The following FCHSD2 variants were observed in gnomAD, a reference collection of about 807,000 sequenced individuals.
The protein encoded by FCHSD2 is FCH and double SH3 domains 2.
FCHSD2 carries 38 observed loss-of-function variants against 108.1 expected under a neutral mutation model. The ratio of observed to expected loss-of-function variants is 0.35; its 90% CI spans 0.27 to 0.46. The LOEUF is 0.46. FCHSD2 is among the 20% of genes least tolerant of loss of function. FCHSD2 has a pLI of 1.00. For synonymous variants in FCHSD2, 279 were observed against 314.7 expected, an observed-to-expected ratio of 0.89 and a Z score of 1.20; for missense variants, 751 against 897.8, an observed-to-expected ratio of 0.84 and a Z score of 2.09.
chr11:73,016,649 A>G (rs1460487819), intron 3 of FCHSD2, among the ~76,000 whole-genome samples: 2 of 152,216 alleles, frequency 1.3e-5, no homozygotes, highest in Non-Finnish European at 2.9e-5. Context: ...TTTGAAGTAG[A>G]CAGATATATA....
At chr11:73,019,764 AAAGCATTC>A (rs1416753169) in intron 3 of FCHSD2, among the ~76,000 whole-genome samples, 9 of 152,224 alleles carry the variant, frequency 5.9e-5, no homozygotes, top group Non-Finnish European at 1.2e-4. Context: ...CACATTTCTG[AAAGCATTC>A]TATGCTTAAA....
At chr11:73,062,367 A>C (rs1475403514) in intron 3 of FCHSD2, among the ~76,000 whole-genome samples, 1 of 152,240 alleles carries the variant, frequency 6.6e-6, no homozygotes, top group Non-Finnish European at 1.5e-5. Flanking sequence ...TCCAAAAGCC[A>C]AAATGCCTCT....
In FCHSD2 at chr11:72,902,548, C is replaced by T. The variant is rs1429936223; in HGVS notation, c.919G>A (p.Asp307Asn). 6 of 1,571,180 alleles carry T rather than the reference C, an allele frequency of 3.8e-6. No homozygotes were observed. In the South Asian group the frequency reaches 7.0e-5, roughly 18 times the overall value. ...QPFQFQPCDS[D>N]TSRQLESETG... ...AAAATCTATAATTCCCTTACAGTATCACTGTCACAAGGCTGGAACTGGAAG... is the reference window on the plus strand; with the variant it reads ...AAAATCTATAATTCCCTTACAGTATTACTGTCACAAGGCTGGAACTGGAAG... The change falls in exon 10 of 20, where the codon GAT (aspartate) becomes AAT (asparagine). Residue 307 changes from aspartate to asparagine, a missense_variant. Transcript: ENST00000409418.
chr11:73,110,351 C>T (rs190541369), intron 2 of FCHSD2, among the ~76,000 whole-genome samples: 51 of 152,180 alleles, frequency 3.4e-4, no homozygotes, highest in African/African-American at 9.4e-4. Context: ...TATTTTATTA[C>T]GGCTTCAATC....
intron 8 of FCHSD2, among the ~76,000 whole-genome samples, chr11:72,929,184 C>T (rs532284655): frequency 3.6e-4 from 55 of 152,254 alleles, no homozygotes; most frequent in African/African-American, 1.3e-3. Context: ...TATAAACATA[C>T]GTGTGCGTGT....
intron 9 of FCHSD2, among the ~76,000 whole-genome samples, chr11:72,903,218 T>C (rs1343294748): frequency 1.4e-5 from 2 of 147,744 alleles, no homozygotes; most frequent in African/African-American, 5.3e-5. Flanking sequence ...TATTTATTTA[T>C]TTATTTATTT....
intron 3 of FCHSD2, among the ~76,000 whole-genome samples, chr11:73,051,307 T>C (rs1018737348): frequency 4.6e-5 from 7 of 152,100 alleles, no homozygotes; most frequent in Non-Finnish European, 7.4e-5. Context: ...AGAGTAAGAC[T>C]CTAGCTCTAA....
At chr11:73,030,418 T>C (rs889982532) in intron 3 of FCHSD2, among the ~76,000 whole-genome samples, 2 of 152,164 alleles carry the variant, frequency 1.3e-5, no homozygotes, top group African/African-American at 4.8e-5. Flanking sequence ...CAATTTACCA[T>C]ACATAAATGT....
chr11:72,945,760 G>C (rs1856506338), intron 8 of FCHSD2, among the ~76,000 whole-genome samples: 1 of 152,168 alleles, frequency 6.6e-6, no homozygotes, highest in Admixed American at 6.6e-5. Context: ...CTTCTCAAAA[G>C]AAGACATTTA....
intron 3 of FCHSD2, among the ~76,000 whole-genome samples, chr11:73,035,154 G>A (rs1466131798): frequency 9.6e-6 from 1 of 104,712 alleles, no homozygotes; most frequent in South Asian, 3.1e-4. Context: ...TTATTTTTAT[G>A]TATGTATGTA....
rs996669435 is a variant in FCHSD2, at chr11:72,985,119, A to G, written c.522-3T>C. 1.0e-6 allele frequency: 1 copy of G among 962,794 alleles called. No homozygotes were observed. Among genetic ancestry groups the G allele is most frequent in the Non-Finnish European group, 1.6e-6 (1 of 638,432 alleles). The allele number at this position is 962,794 out of a possible 1,614,324, so 59.6% of individuals were successfully genotyped here. A position where few individuals can be genotyped will look rare whatever the true frequency, so the allele number is the denominator to read the frequency against. Reference sequence around the variant, plus strand: ...ATTGAAAAAGACTAAGTTTAGATCTATAATAAAAATAGAAAAGTATGTTTA... The same window carrying G: ...ATTGAAAAAGACTAAGTTTAGATCTGTAATAAAAATAGAAAAGTATGTTTA... On this transcript the variant is annotated splice_region_variant and splice_polypyrimidine_tract_variant and intron_variant, in intron 6 of 19. Coordinates refer to ENST00000409418, the MANE Select transcript of FCHSD2 (RefSeq NM_014824.3).
intron 8 of FCHSD2, among the ~76,000 whole-genome samples, chr11:72,927,738 T>C (rs1856104685): frequency 6.6e-6 from 1 of 152,214 alleles, no homozygotes; most frequent in Admixed American, 6.5e-5. Context: ...AGCATTTATG[T>C]GGACTTAGAT....
intron 3 of FCHSD2, among the ~76,000 whole-genome samples, chr11:73,032,585 GAA>G (rs111425392): frequency 2.9e-5 from 4 of 139,118 alleles, no homozygotes; most frequent in Admixed American, 7.2e-5. Context: ...CTTCCTAACT[GAA>G]AAAAAAAAAG....
At chr11:73,096,987 A>ATGTTTTTTTTT (rs1860096435) in intron 2 of FCHSD2, among the ~76,000 whole-genome samples, 1 of 27,020 alleles carries the variant, frequency 3.7e-5, no homozygotes, top group African/African-American at 2.0e-4. Context: ...TCATTGATGG[A>ATGTTTTTTTTT]TTTTTTTTTT....
chr11:72,937,442 A>G (rs761564911), intron 8 of FCHSD2, among the ~76,000 whole-genome samples: 1 of 152,240 alleles, frequency 6.6e-6, no homozygotes, highest in Non-Finnish European at 1.5e-5. Flanking sequence ...TCAGTAAACA[A>G]TATCTCTGAT....
Position 72,941,384 on chromosome 11 carries a change from A to T in FCHSD2, c.706-19434T>A, listed in dbSNP as rs544010720. Among the ~76,000 whole-genome samples the T allele has an allele frequency of 6.3e-4, 95 of 151,320 alleles. 1 individual carries two copies. In the South Asian group the frequency reaches 8.1e-3, roughly 13 times the overall value. ...TAAGAGGATATAAAAACTATACTTA[A>T]ATTATAATTTATATAATTTTTATAT... On this transcript the variant is annotated intron_variant, in intron 8 of 19. Coordinates refer to ENST00000409418, the MANE Select transcript of FCHSD2 (RefSeq NM_014824.3).
intron 2 of FCHSD2, among the ~76,000 whole-genome samples, chr11:73,106,153 G>A (rs1355112380): frequency 2.6e-5 from 4 of 152,118 alleles, no homozygotes; most frequent in Non-Finnish European, 4.4e-5. Flanking sequence ...ATTGGACCTC[G>A]GAGGAGTTGA....
intron 2 of FCHSD2, among the ~76,000 whole-genome samples, chr11:73,122,370 CCT>C (rs1860754663): frequency 6.6e-6 from 1 of 152,116 alleles, no homozygotes; most frequent in Admixed American, 6.6e-5. Context: ...CTGAATGCAC[CCT>C]GATAGCCCCA....
chr11:73,094,032 A>G (rs36007050), intron 2 of FCHSD2, among the ~76,000 whole-genome samples: 115,097 of 151,976 alleles, frequency 0.76, 43,928 homozygotes, highest in South Asian at 0.87. Context: ...CCAACATGGT[A>G]AAACCCCGTC....
Sources: allele counts gnomAD v4.1 joint callset (sites outside exome capture counted in the v4.1 genomes callset), GRCh38; gene constraint gnomAD v4.1.1; transcripts MANE v1.5; gene names NCBI Gene and HGNC (gene_info 2026-07-23, HGNC 2026-07-21).